COL21A1: variants seen among roughly 807,000 people sequenced by gnomAD.
The protein encoded by COL21A1 is collagen alpha-1(XXI) chain.
A neutral mutation model predicts 137.9 loss-of-function variants in COL21A1; 149 were observed. The ratio of observed to expected loss-of-function variants is 1.08; its 90% CI spans 0.95 to 1.24. The LOEUF is 1.24. Ranked by LOEUF, COL21A1 falls within the 50% of genes most tolerant of loss-of-function variation. COL21A1 has a pLI of 0.00. For missense variants in COL21A1, 1,167 were observed against 1,158.4 expected (o/e 1.01, Z -0.11); for synonymous variants, 456 against 391.5 (o/e 1.16, Z -1.95).
intron 23 of COL21A1, among the ~76,000 whole-genome samples, chr6:56,065,661 A>C (rs1766178931): frequency 6.6e-6 from 1 of 151,896 alleles, no homozygotes; most frequent in African/African-American, 2.4e-5. Context: ...GGGAGAGAAG[A>C]CACAGGTGAA....
intron 1 of COL21A1, among the ~76,000 whole-genome samples, chr6:56,362,544 G>A (rs1408773439): frequency 2.0e-5 from 3 of 152,058 alleles, no homozygotes; most frequent in African/African-American, 7.2e-5. Flanking sequence ...AAGTAGCAGT[G>A]GCCCCATGTT....
At chr6:56,256,032 C>T (rs9396185) in intron 1 of COL21A1, among the ~76,000 whole-genome samples, 22,904 of 152,102 alleles carry the variant, frequency 0.15, 3,235 homozygotes, top group East Asian at 0.62. Context: ...TAGAGTCTCC[C>T]TATGAATTAT....
At chr6:56,101,659 A>G (rs1335209244) in intron 16 of COL21A1, 134 bp from the exon 17 acceptor site, 1 of 670,272 alleles carries the variant, frequency 1.5e-6, no homozygotes, top group Non-Finnish European at 2.6e-6. Context: ...TGGACTACTG[A>G]TATTAACTTT....
chr6:56,089,779 T>C (rs942045252), intron 17 of COL21A1, among the ~76,000 whole-genome samples: 1 of 152,236 alleles, frequency 6.6e-6, no homozygotes, highest in Admixed American at 6.5e-5. Flanking sequence ...ATGTTATCCA[T>C]TCTAAGAATT....
chr6:56,077,975 C>T, intron 17 of COL21A1: 1 of 429,280 alleles, frequency 2.3e-6, no homozygotes, highest in Non-Finnish European at 4.6e-6. Context: ...TCAGTGTCAC[C>T]ACCTTAGTTA....
intron 1 of COL21A1, among the ~76,000 whole-genome samples, chr6:56,241,240 G>A (rs1298797049): frequency 1.3e-5 from 2 of 152,138 alleles, no homozygotes; most frequent in African/African-American, 2.4e-5. Flanking sequence ...TAAATAGACA[G>A]AGAGCTTGTT....
At chr6:56,107,164 CAAAA>C (rs1349652750) in intron 16 of COL21A1, among the ~76,000 whole-genome samples, 1 of 151,884 alleles carries the variant, frequency 6.6e-6, no homozygotes, top group Non-Finnish European at 1.5e-5. Context: ...ATTCAGGAAT[CAAAA>C]AGACAAAATC....
chr6:56,082,366 T>G (rs1044724463), intron 17 of COL21A1, among the ~76,000 whole-genome samples: 1 of 151,968 alleles, frequency 6.6e-6, no homozygotes, highest in Admixed American at 6.6e-5. Flanking sequence ...TATAGACATA[T>G]GTAAAACTTA....
chr6:56,260,649 A>AGAGAGAGAG (rs1562028860), intron 1 of COL21A1, among the ~76,000 whole-genome samples: 1 of 43,380 alleles, frequency 2.3e-5, no homozygotes, highest in South Asian at 4.9e-4. Context: ...GGAAGGAAGG[A>AGAGAGAGAG]AGGAAGGAAT....
At chr6:56,214,878 T>G (rs1222707789) in intron 1 of COL21A1, among the ~76,000 whole-genome samples, 1 of 152,114 alleles carries the variant, frequency 6.6e-6, no homozygotes, top group Non-Finnish European at 1.5e-5. Context: ...CATGTAAGTT[T>G]CTTTTATGTG....
intron 1 of COL21A1, among the ~76,000 whole-genome samples, chr6:56,208,792 A>T (rs1187797965): frequency 9.9e-5 from 15 of 152,224 alleles, no homozygotes; most frequent in Admixed American, 8.5e-4. Flanking sequence ...AGGCTACAGT[A>T]ATCAAAACAT....
chr6:56,113,123 A>G (rs1260527117), intron 16 of COL21A1, among the ~76,000 whole-genome samples: 1 of 152,216 alleles, frequency 6.6e-6, no homozygotes, highest in Non-Finnish European at 1.5e-5. Flanking sequence ...CCTAGGCCAT[A>G]ATGTCTGCAA....
chr6:56,194,133 A>C (rs1778876110), intron 1 of COL21A1, among the ~76,000 whole-genome samples: 1 of 152,214 alleles, frequency 6.6e-6, no homozygotes, highest in African/African-American at 2.4e-5. Flanking sequence ...AAAAGCCTCA[A>C]AATTAAGTTA....
chr6:56,283,105 T>C (rs1481632218), intron 1 of COL21A1, among the ~76,000 whole-genome samples: 7 of 152,188 alleles, frequency 4.6e-5, no homozygotes. Context: ...CTTAGCAATC[T>C]GTATAAAAAG....
intron 1 of COL21A1, among the ~76,000 whole-genome samples, chr6:56,341,766 A>G (rs1006459832): frequency 1.3e-5 from 2 of 152,152 alleles, no homozygotes; most frequent in African/African-American, 4.8e-5. Context: ...GCTTGTAACA[A>G]GTGGACGACT....
At chr6:56,259,254 G>A (rs944790588) in intron 1 of COL21A1, among the ~76,000 whole-genome samples, 1 of 152,146 alleles carries the variant, frequency 6.6e-6, no homozygotes, top group Non-Finnish European at 1.5e-5. Context: ...GGAGTTTACT[G>A]CATTCCCCCA....
intron 1 of COL21A1, among the ~76,000 whole-genome samples, chr6:56,324,459 T>C (rs1026019243): frequency 1.3e-5 from 2 of 152,100 alleles, no homozygotes; most frequent in African/African-American, 4.8e-5. Context: ...CCTTGAATCG[T>C]CAGCAGGAAT....
At chr6:56,329,864 A>G (rs1193385210) in intron 1 of COL21A1, among the ~76,000 whole-genome samples, 2 of 152,152 alleles carry the variant, frequency 1.3e-5, no homozygotes, top group African/African-American at 2.4e-5. Context: ...AAGATATGAC[A>G]GACACATACA....
chr6:56,147,197 A>G lies in COL21A1; in HGVS notation c.1435-5214T>C, dbSNP rs536680399. ...AATCTCTAGTAATTGTGCTTTTCAT[A>G]CTCAAAGAGAGGCGATCAATAGCTA... is the stretch of plus-strand genomic sequence containing the variant. On this transcript the variant is annotated intron_variant, in intron 10 of 29. Transcript: ENST00000244728. 2.0e-5 allele frequency among the ~76,000 whole-genome samples: 3 copies of G among 152,220 alleles called. No individual in the cohort carries two copies. The East Asian group carries it at 5.8e-4, about 29-fold the overall frequency.
Sources: gnomAD v4.1 joint callset for allele counts (sites outside exome capture counted in the v4.1 genomes callset) on GRCh38, gnomAD v4.1.1 for gene constraint, MANE v1.5 for transcripts, NCBI Gene and HGNC (gene_info 2026-07-23, HGNC 2026-07-21) for gene names.